Variants in FRMD6 observed in about 807,000 individuals in gnomAD.
FRMD6 encodes FERM domain containing 6.
FRMD6 carries 37 observed loss-of-function variants against 73.2 expected under a neutral mutation model. That is an observed-to-expected ratio of 0.51 (90% confidence interval 0.39 to 0.66). The LOEUF (loss-of-function observed/expected upper bound fraction) is 0.66. Among genes scored for constraint, FRMD6 ranks in the 30% least tolerant of loss-of-function variants. The pLI is 0.00. For missense variants in FRMD6, 714 were observed against 780.5 expected (o/e 0.91, Z 1.02); for synonymous variants, 273 against 282.2 (o/e 0.97, Z 0.33).
At chr14:51,670,181 TC>T (rs1164309368) in intron 1 of FRMD6, among the ~76,000 whole-genome samples, 1 of 152,162 alleles carries the variant, frequency 6.6e-6, no homozygotes, top group Non-Finnish European at 1.5e-5. Flanking sequence ...GCTCAAGCAG[TC>T]CTCTGCCTCA....
In FRMD6 at chr14:51,711,556, T is replaced by G; in HGVS notation, c.740T>G (p.Leu247Arg). 1 of 1,606,646 alleles carries G rather than the reference T, an allele frequency of 6.2e-7. No individual in the cohort carries two copies. Among genetic ancestry groups the G allele is most frequent in the Non-Finnish European group, 8.5e-7 (1 of 1,174,356 alleles). ...YKDKREIEAS[L>R]TLGLTMRGIQ... is the part of the protein sequence containing the mutation. ...GATAAAAGGGAAATTGAAGCATCGCTGACTCTTGGATTGACCATGAGGGGA... is the reference window on the plus strand; with the variant it reads ...GATAAAAGGGAAATTGAAGCATCGCGGACTCTTGGATTGACCATGAGGGGA... The change falls in exon 8 of 14, where the codon CTG (leucine) becomes CGG (arginine). Residue 247 changes from leucine to arginine, a missense_variant. Transcript: ENST00000344768.
intron 2 of FRMD6, among the ~76,000 whole-genome samples, chr14:51,586,737 A>ATTATTG (rs1566485959): frequency 6.7e-6 from 1 of 149,856 alleles, no homozygotes; most frequent in South Asian, 2.1e-4. Context: ...ACTTTATCTT[A>ATTATTG]TTATTATTAT....
chr14:51,396,503 G>A, the FRMD6 span, among the ~76,000 whole-genome samples: 2 of 152,110 alleles, frequency 1.3e-5, no homozygotes, highest in African/African-American at 4.8e-5. Context: ...TGGGCTCCTG[G>A]TGCCTGTGCT....
the FRMD6 span, among the ~76,000 whole-genome samples, chr14:51,399,525 A>C: frequency 3.9e-5 from 6 of 152,238 alleles, no homozygotes. Context: ...TGTTTCCAAA[A>C]TATAACTTTA....
intron 1 of FRMD6, among the ~76,000 whole-genome samples, chr14:51,500,044 C>A (rs574193924): frequency 6.6e-6 from 1 of 152,110 alleles, no homozygotes; most frequent in Non-Finnish European, 1.5e-5. Flanking sequence ...TCAAGACTTA[C>A]GATTTTGCGA....
At chr14:51,702,638 T>C (rs769182579) in intron 5 of FRMD6, 50 bp downstream of exon 5, 20 of 1,386,124 alleles carry the variant, frequency 1.4e-5, no homozygotes, top group Non-Finnish European at 2.0e-6. Flanking sequence ...CCCATAGCAC[T>C]TTTTCTAACA....
At chr14:51,435,419 TAA>T in the FRMD6 span, among the ~76,000 whole-genome samples, 1 of 132,258 alleles carries the variant, frequency 7.6e-6, no homozygotes, top group Non-Finnish European at 1.6e-5. Context: ...CATCTCTATT[TAA>T]AAAAAAAAAA....
chr14:51,612,363 A>G (rs761456817), intron 2 of FRMD6, among the ~76,000 whole-genome samples: 1 of 152,232 alleles, frequency 6.6e-6, no homozygotes, highest in Non-Finnish European at 1.5e-5. Flanking sequence ...TGTACAAAAT[A>G]TATCATCATT....
At chr14:51,669,454 A>T (rs762903518) in intron 1 of FRMD6, among the ~76,000 whole-genome samples, 2 of 152,194 alleles carry the variant, frequency 1.3e-5, no homozygotes, top group Non-Finnish European at 2.9e-5. Flanking sequence ...AAGTGGCTGT[A>T]TTATTTAACA....
At chr14:51,529,725 G>C (rs546289801) in intron 1 of FRMD6, among the ~76,000 whole-genome samples, 1 of 152,214 alleles carries the variant, frequency 6.6e-6, no homozygotes, top group South Asian at 2.1e-4. Context: ...CATCTCACCT[G>C]GCAAAAGCAC....
At chr14:51,604,222 A>C (rs1022435219) in intron 2 of FRMD6, among the ~76,000 whole-genome samples, 1 of 152,192 alleles carries the variant, frequency 6.6e-6, no homozygotes, top group African/African-American at 2.4e-5. Context: ...AACAGTTCAC[A>C]GTATAGTTCC....
At chr14:51,520,068 C>CAT (rs1250914170) in intron 1 of FRMD6, among the ~76,000 whole-genome samples, 3 of 152,092 alleles carry the variant, frequency 2.0e-5, no homozygotes, top group Non-Finnish European at 4.4e-5. Context: ...ATTCACAATA[C>CAT]ATATATATGT....
At chr14:51,584,674 G>C (rs952919828) in intron 2 of FRMD6, among the ~76,000 whole-genome samples, 5 of 151,962 alleles carry the variant, frequency 3.3e-5, no homozygotes, top group Admixed American at 1.3e-4. Context: ...TCAACCCTGA[G>C]ATGAAATTTA....
chr14:51,650,136 T>C (rs1481147370), upstream of FRMD6: 1 of 152,222 alleles, frequency 6.6e-6, no homozygotes, highest in Non-Finnish European at 1.5e-5. Context: ...CCTTAGAAAC[T>C]GCCCAGTTTT....
At chr14:51,531,478 C>T (rs1246313745) in intron 1 of FRMD6, among the ~76,000 whole-genome samples, 2 of 152,150 alleles carry the variant, frequency 1.3e-5, no homozygotes, top group Non-Finnish European at 2.9e-5. Flanking sequence ...GAAATGACAA[C>T]TAAATGCAAT....
the FRMD6 span, among the ~76,000 whole-genome samples, chr14:51,453,843 G>T: frequency 6.6e-6 from 1 of 152,184 alleles, no homozygotes; most frequent in Non-Finnish European, 1.5e-5. Flanking sequence ...TGGGAGGCTG[G>T]TGTATAAATA....
In FRMD6 at chr14:51,516,069, G is replaced by A. The variant is rs570268291; in HGVS notation, c.-210+26649G>A. ...CTGTGCATCTTAACTTCATCTCCAA[G>A]TTCTGTGGAGAGAGGGGAAAGTGCT... On this transcript the variant is annotated intron_variant, in intron 1 of 14. Transcript: ENST00000356218. 6.1e-4 allele frequency among the ~76,000 whole-genome samples: 93 copies of A among 152,264 alleles called. No homozygotes were observed. The South Asian group carries it at 9.5e-3, about 16-fold the overall frequency.
chr14:51,467,704 C>A, the FRMD6 span, among the ~76,000 whole-genome samples: 2 of 151,168 alleles, frequency 1.3e-5, no homozygotes, highest in Admixed American at 1.3e-4. Flanking sequence ...CGCGGCCTGG[C>A]AGAGGTGCTC....
intron 1 of FRMD6, among the ~76,000 whole-genome samples, chr14:51,528,513 G>T (rs1199681628): frequency 6.6e-6 from 1 of 151,868 alleles, no homozygotes; most frequent in African/African-American, 2.4e-5. Context: ...CCAGAATTTT[G>T]GGGAGCCCAT....
Sources: gnomAD v4.1 joint callset for allele counts (sites outside exome capture counted in the v4.1 genomes callset) on GRCh38, gnomAD v4.1.1 for gene constraint, MANE v1.5 for transcripts, NCBI Gene and HGNC (gene_info 2026-07-23, HGNC 2026-07-21) for gene names.